The following SHPRH variants were observed in gnomAD, a reference collection of about 807,000 sequenced individuals.
SHPRH encodes the protein E3 ubiquitin-protein ligase SHPRH.
Under a neutral mutation model 202.5 loss-of-function variants are expected in SHPRH, and 106 were observed. That is an observed-to-expected ratio of 0.52 (90% CI 0.45 to 0.62). The LOEUF (loss-of-function observed/expected upper bound fraction) is 0.62. Ranked by LOEUF, SHPRH falls within the 20% of genes least tolerant of loss-of-function variation. SHPRH has a pLI of 0.00. For synonymous variants in SHPRH, 729 were observed against 686.0 expected (o/e 1.06, Z -0.98); for missense variants, 1,710 against 2,020.0 (o/e 0.85, Z 2.94).
At chr6:145,900,046 C>T (rs2265473) in intron 25 of SHPRH, among the ~76,000 whole-genome samples, 122,262 of 152,080 alleles carry the variant, frequency 0.8, 49,961 homozygotes, top group African/African-American at 0.96. Context: ...CCTTGTACAC[C>T]ATTGGTGGCA....
chr6:145,886,808 GCA>G (rs749091683), intron 29 of SHPRH, 21 bp from the exon 30 acceptor site: 11 of 1,608,390 alleles, frequency 6.8e-6, no homozygotes, highest in Non-Finnish European at 8.5e-6. Context: ...TCCCAAATGA[GCA>G]CAGTCAGAAA....
rs763372492 is a variant in SHPRH, at chr6:145,955,346, C to A, written c.-24G>T. 3 of 1,579,196 alleles carry A rather than the reference C, an allele frequency of 1.9e-6. No homozygotes were observed. Among genetic ancestry groups the A allele is most frequent in the Non-Finnish European group, 2.6e-6 (3 of 1,166,626 alleles). On this transcript the variant is annotated 5_prime_UTR_variant, in exon 2 of 30. Coordinates refer to ENST00000275233, the MANE Select transcript of SHPRH (RefSeq NM_001042683.3). The stretch of plus-strand genomic sequence containing the variant: ...ATTTTCAAGTTTTCTTGGCTGGTAA[C>A]TGTGAACTCTAGAGGACAAATGAAA...
chr6:145,894,112 G>A (rs1235372377), intron 27 of SHPRH, 38 bp downstream of exon 27: 8 of 1,502,072 alleles, frequency 5.3e-6, no homozygotes, highest in Non-Finnish European at 7.3e-6. Flanking sequence ...ATTTGCAACT[G>A]TATCCACTAC....
rs529144860 is a variant in SHPRH, at chr6:145,919,374, C to G, written c.4126G>C (p.Val1376Leu). The change falls in exon 22 of 30, where the codon GTT becomes CTT. Residue 1376 changes from valine to leucine, a missense_variant. Physicochemically the swap from Val to Leu is conservative, Grantham distance 32 (BLOSUM62 1). Around this residue, in one of 8 missense-constraint regions of SHPRH, gnomAD observed 306 missense variants for 479.5 expected, o/e 0.64. Transcript: ENST00000275233. The part of the protein sequence containing the change: ...DPREPKPNPP[V>L]LHIIEPHEVE... The stretch of plus-strand genomic sequence containing the variant: ...TCATGTGGTTCAATGATATGAAGAA[C>G]AGGCGGATTAGGCTTTGGCTCCCTA... The G allele has an allele frequency of 3.1e-6, 5 of 1,612,894 alleles. No homozygotes were observed. The highest frequency in any genetic ancestry group is 4.2e-6 in the Non-Finnish European group (5 of 1,179,334).
intron 15 of SHPRH, among the ~76,000 whole-genome samples, chr6:145,926,776 A>T (rs1784919439): frequency 6.6e-6 from 1 of 151,964 alleles, no homozygotes; most frequent in African/African-American, 2.4e-5. Context: ...TATAATTAAA[A>T]TATCCAAATC....
downstream of SHPRH, among the ~76,000 whole-genome samples, chr6:145,863,085 C>A (rs566261410): frequency 6.6e-6 from 1 of 152,128 alleles, no homozygotes; most frequent in South Asian, 2.1e-4. Context: ...TGTATGAGAC[C>A]CTGTGCTAGA....
chr6:145,886,363 A>G lies in SHPRH; in HGVS notation c.*328T>C. On this transcript the variant is annotated 3_prime_UTR_variant, in exon 30 of 30. Coordinates refer to ENST00000275233, the MANE Select transcript of SHPRH (RefSeq NM_001042683.3). ...TAGACTAGTTTACTTTCTTATTCCA[A>G]CTGTTTTATGAGTGATCTTATCATA... The G allele has an allele frequency of 1.6e-6, 1 of 638,862 alleles. No individual in the cohort carries two copies. The highest frequency in any genetic ancestry group is 2.8e-6 in the Non-Finnish European group (1 of 352,132). 39.6% of individuals were successfully genotyped at this position (638,862 alleles called of 1,614,324 possible).
intron 14 of SHPRH, among the ~76,000 whole-genome samples, chr6:145,931,890 C>CTTTTTTTTTTT (rs55660510): frequency 6.9e-6 from 1 of 144,048 alleles, no homozygotes; most frequent in African/African-American, 2.6e-5. Flanking sequence ...CAATATATTT[C>CTTTTTTTTTTT]TTTTTTTTTT....
intron 25 of SHPRH, among the ~76,000 whole-genome samples, chr6:145,895,341 T>C (rs1781922176): frequency 6.6e-6 from 1 of 152,110 alleles, no homozygotes; most frequent in Non-Finnish European, 1.5e-5. Context: ...TTATTCTCCC[T>C]TTCTTCAGAT....
At chr6:145,864,360 T>A (rs771863370) in exon 3 of SHPRH, 11 of 416,352 alleles carry the variant, frequency 2.6e-5, no homozygotes, top group South Asian at 1.1e-4. Context: ...AATCAAAAAA[T>A]TTTTAAAGTA....
chr6:145,895,108 T>C, intron 25 of SHPRH, 131 bp from the exon 26 acceptor site: 1 of 715,368 alleles, frequency 1.4e-6, no homozygotes, highest in South Asian at 2.2e-5. Flanking sequence ...GGTGCATATG[T>C]GTTTACTCTT....
chr6:145,875,805 A>G (rs73576161), intron 2 of SHPRH, among the ~76,000 whole-genome samples: 1,528 of 152,346 alleles, frequency 0.01, 20 homozygotes, highest in African/African-American at 0.035. Flanking sequence ...CAGATGCTAC[A>G]ACATTTTAAC....
At chr6:145,910,330 G>A (rs1422194375) in intron 25 of SHPRH, 118 bp downstream of exon 25, 4 of 1,130,710 alleles carry the variant, frequency 3.5e-6, no homozygotes, top group Non-Finnish European at 2.6e-6. Context: ...ACAGACAACA[G>A]TGGCGTCTAC....
At position 145,933,224 on chromosome 6, in the gene SHPRH, G is replaced by A. The variant is rs374373979; in HGVS notation, c.2991-46C>T. 1,241 of 1,612,706 alleles carry A rather than the reference G, an allele frequency of 7.7e-4. 13 individuals are homozygous for A. In the South Asian group the frequency reaches 0.013, roughly 17 times the overall value. On this transcript the variant is annotated intron_variant, in intron 13 of 29. Coordinates refer to ENST00000275233, the MANE Select transcript of SHPRH (RefSeq NM_001042683.3). ...TTCAAAACTAGAAAGAAAATCCCAA[G>A]TGTGACTTCAGTGGGAGTGTTATAT...
chr6:145,894,546 T>C (rs973759912), intron 26 of SHPRH, among the ~76,000 whole-genome samples: 3 of 151,576 alleles, frequency 2.0e-5, no homozygotes, highest in Non-Finnish European at 4.4e-5. Context: ...AAACTAAGGG[T>C]TTTACTCAAC....
At chr6:145,916,302 A>G (rs1783946605) in intron 23 of SHPRH, among the ~76,000 whole-genome samples, 1 of 152,074 alleles carries the variant, frequency 6.6e-6, no homozygotes, top group African/African-American at 2.4e-5. Context: ...AAAATCATAA[A>G]CTTTTTGAGT....
intron 1 of SHPRH, among the ~76,000 whole-genome samples, chr6:145,960,457 CATA>C (rs1305972595): frequency 6.6e-6 from 1 of 152,098 alleles, no homozygotes; most frequent in African/African-American, 2.4e-5. Context: ...TCACACTAAC[CATA>C]ATAATATTAA....
downstream of SHPRH, chr6:145,884,708 T>C (rs1281712451): frequency 1.3e-5 from 2 of 152,156 alleles, no homozygotes; most frequent in Non-Finnish European, 2.9e-5. Context: ...ATATAAAATA[T>C]GGGATTCTAT....
At chr6:145,945,063 TA>T (rs1198335006) in intron 8 of SHPRH, among the ~76,000 whole-genome samples, 1 of 151,982 alleles carries the variant, frequency 6.6e-6, no homozygotes, top group African/African-American at 2.4e-5. Flanking sequence ...AAAAAAATAA[TA>T]AAAATAAATA....
Sources: allele counts gnomAD v4.1 joint callset (sites outside exome capture counted in the v4.1 genomes callset), GRCh38; gene constraint gnomAD v4.1.1; regional missense constraint gnomAD v4.1.1; transcripts MANE v1.5; gene names NCBI Gene and HGNC (gene_info 2026-07-23, HGNC 2026-07-21).